The following MAN1B1 variants were observed in gnomAD, a reference collection of about 807,000 sequenced individuals.
MAN1B1 encodes mannosidase alpha class 1B member 1, also known as endoplasmic reticulum mannosyl-oligosaccharide 1,2-alpha-mannosidase.
In MAN1B1, 66 loss-of-function variants were observed where a neutral mutation model predicts 75.5. The observed-to-expected ratio is 0.87, with a 90% CI of 0.72 to 1.07. MAN1B1 has a LOEUF of 1.07. Ranked by LOEUF, MAN1B1 falls within the 50% of genes least tolerant of loss-of-function variation. The pLI is 0.00. For synonymous variants in MAN1B1, 453 were observed against 382.8 expected, an observed-to-expected ratio of 1.18 and a Z score of -2.14; for missense variants, 973 against 912.5, an observed-to-expected ratio of 1.07 and a Z score of -0.85.
intron 9 of MAN1B1, 91 bp downstream of exon 9, chr9:137,106,406 T>C (rs1588651474): frequency 1.7e-6 from 2 of 1,190,032 alleles, no homozygotes; most frequent in East Asian, 2.6e-5. Flanking sequence ...CGGCCCCCGC[T>C]CCTGCTGCCC....
At chr9:137,106,073 C>G in intron 8 of MAN1B1, 52 bp from the exon 9 acceptor site, 1 of 1,458,518 alleles carries the variant, frequency 6.9e-7, no homozygotes, top group Non-Finnish European at 9.6e-7. Flanking sequence ...CTACAGCTCA[C>G]CCTGCAGCTC....
intron 3 of MAN1B1, among the ~76,000 whole-genome samples, chr9:137,093,833 C>CA (rs1564277134): frequency 6.6e-6 from 1 of 150,594 alleles, no homozygotes. Context: ...GACTCTGTCT[C>CA]AAAAAAAAGA....
chr9:137,100,669 G>A (rs1311167347), intron 6 of MAN1B1, among the ~76,000 whole-genome samples: 1 of 152,082 alleles, frequency 6.6e-6, no homozygotes, highest in Non-Finnish European at 1.5e-5. Flanking sequence ...GCCCAGGCTG[G>A]AGTGCAGTGG....
intron 10 of MAN1B1, 84 bp from the exon 11 acceptor site, chr9:137,107,143 GGGTACCAGGGCCGAGGCAGCGCT>G (rs1200285282): frequency 7.9e-7 from 1 of 1,261,312 alleles, no homozygotes; most frequent in East Asian, 2.5e-5. Flanking sequence ...TCCCCTCCCA[GGGTACCAGGGCCGAGGCAGCGCT>G]GGGCTCCCAC....
chr9:137,105,544 A>G, intron 8 of MAN1B1: 1 of 275,510 alleles, frequency 3.6e-6, no homozygotes, highest in South Asian at 3.3e-5. Flanking sequence ...TTGGGTAGAG[A>G]CCCGGAGCGC....
intron 5 of MAN1B1, among the ~76,000 whole-genome samples, chr9:137,098,519 T>G (rs1205345359): frequency 6.6e-6 from 1 of 151,850 alleles, no homozygotes; most frequent in Non-Finnish European, 1.5e-5. Flanking sequence ...CAGGTGTCTC[T>G]GAGGTGGGGA....
In MAN1B1 at chr9:137,107,643, G is replaced by T; in HGVS notation, c.1877G>T (p.Ser626Ile). 6.2e-7 allele frequency: 1 copy of T among 1,609,848 alleles called. No individual in the cohort carries two copies. ...GACTGGGGCTGGGAGATTCTGCAGA[G>T]CTTCAGCCGATTCACACGGGTGAGC... The part of the protein sequence containing the change: ...YQDWGWEILQ[S>I]FSRFTRVPSG... Residue 626 changes from serine (S) to isoleucine (I), a missense_variant, in exon 12 of 13, where the codon AGC (serine) becomes ATC (isoleucine). Physicochemically the swap from Ser to Ile is moderately radical, Grantham distance 142. Coordinates refer to ENST00000371589, the MANE Select transcript of MAN1B1 (RefSeq NM_016219.5).
chr9:137,094,432 C>T (rs972297710), intron 3 of MAN1B1: 6 of 493,342 alleles, frequency 1.2e-5, no homozygotes, highest in Middle Eastern at 7.0e-4. Flanking sequence ...ATTGCATGAC[C>T]TGGTGGAGAA....
chr9:137,105,431 C>A (rs1291615197), intron 8 of MAN1B1: 1 of 185,484 alleles, frequency 5.4e-6, no homozygotes, highest in Admixed American at 6.1e-5. Flanking sequence ...GGCCCCAGGC[C>A]CCCATGGGCA....
Position 137,097,875 on chromosome 9 carries a change from C to T in MAN1B1, c.668C>T (p.Ser223Leu). ...CCTGAGCAGGGCACCGAGCTCCCTT[C>T]AAGAAGAGCAGAAGTGCCCACCAAG... ...IEPEQGTELP[S>L]RRAEVPTKPP... Residue 223 changes from serine to leucine, a missense_variant, in exon 5 of 13, where the codon TCA becomes TTA. Coordinates refer to ENST00000371589, the MANE Select transcript of MAN1B1 (RefSeq NM_016219.5). The T allele has an allele frequency of 1.3e-6, 2 of 1,560,340 alleles. No individual in the cohort carries two copies.
At chr9:137,094,208 T>G (rs972046773) in intron 3 of MAN1B1, 1 of 159,676 alleles carries the variant, frequency 6.3e-6, no homozygotes, top group Non-Finnish European at 1.4e-5. Flanking sequence ...AGAGGTGGGG[T>G]CTCACTTTGT....
intron 5 of MAN1B1, among the ~76,000 whole-genome samples, chr9:137,098,978 C>T (rs779090555): frequency 1.2e-4 from 19 of 152,292 alleles, no homozygotes; most frequent in Admixed American, 3.9e-4. Context: ...TATAGGCACC[C>T]GCCACCACAC....
chr9:137,096,514 A>C, intron 4 of MAN1B1, 123 bp downstream of exon 4: 3 of 1,303,404 alleles, frequency 2.3e-6, no homozygotes, highest in Non-Finnish European at 3.2e-6. Flanking sequence ...TATGCTCTGT[A>C]ATCTGTCCTC....
chr9:137,094,026 T>C (rs1333541063), intron 3 of MAN1B1, among the ~76,000 whole-genome samples: 2 of 151,200 alleles, frequency 1.3e-5, no homozygotes. Flanking sequence ...TGATTTTTTT[T>C]TTTTTTGAGA....
intron 3 of MAN1B1, among the ~76,000 whole-genome samples, chr9:137,092,395 G>GCTA (rs1830539800): frequency 6.6e-6 from 1 of 152,156 alleles, no homozygotes; most frequent in Non-Finnish European, 1.5e-5. Flanking sequence ...CATCATTGAG[G>GCTA]GTTAGGGGCT....
At chr9:137,087,321 AG>A in intron 1 of MAN1B1, 103 bp downstream of exon 1, 1 of 1,309,040 alleles carries the variant, frequency 7.6e-7, no homozygotes, top group Non-Finnish European at 1.0e-6. Context: ...TCGACTCCCC[AG>A]GCGCCGCCCT....
chr9:137,087,127 C>T lies in MAN1B1; in HGVS notation c.128C>T (p.Pro43Leu), dbSNP rs1240851483. 2.5e-6 allele frequency: 4 copies of T among 1,592,922 alleles called. No individual in the cohort carries two copies. Among genetic ancestry groups the T allele is most frequent in the Non-Finnish European group, 3.4e-6 (4 of 1,171,184 alleles). The part of the protein sequence containing the change: ...TTVVMYPPPP[P>L]PPHRDFISVT... ...GTAGTCATGTACCCACCGCCGCCGC[C>T]GCCGCCTCATCGGGACTTCATCTCG... Residue 43 changes from proline to leucine, a missense_variant, in exon 1 of 13, where the codon CCG (proline) becomes CTG (leucine). Transcript: ENST00000371589.
rs765224059 is a variant in MAN1B1, at chr9:137,097,900, G to A, written c.693G>A (p.Lys231=). ...CAAGAAGAGCAGAAGTGCCCACCAA[G>A]CCTCCCCTGCCACCGGCCAGGACAC... The part of the protein sequence containing the change: ...LPSRRAEVPT[K]PPLPPARTQG... The change falls in exon 5 of 13, where the codon AAG becomes AAA. Residue 231 remains lysine (K), a synonymous_variant. Transcript: ENST00000371589. The A allele has an allele frequency of 2.7e-5, 42 of 1,560,100 alleles. No individual in the cohort carries two copies. Among genetic ancestry groups the A allele is most frequent in the Non-Finnish European group, 3.6e-5 (41 of 1,152,638 alleles).
rs748185022 is a variant in MAN1B1, at chr9:137,099,743, G to T, written c.778G>T (p.Ala260Ser). 1 of 1,614,242 alleles carries T rather than the reference G, an allele frequency of 6.2e-7. No homozygotes were observed. The highest frequency in any genetic ancestry group is 1.1e-5 in the South Asian group (1 of 91,086). ...GGGCGTGATTGACGTCTTCCTGCAT[G>T]CATGGAAAGGATACCGCAAGTTTGC... is the stretch of plus-strand genomic sequence containing the variant. The part of the protein sequence containing the change: ...QKGVIDVFLH[A>S]WKGYRKFAWG... The change falls in exon 6 of 13, where the codon GCA (alanine) becomes TCA (serine). Residue 260 changes from alanine to serine, a missense_variant. Coordinates refer to ENST00000371589, the MANE Select transcript of MAN1B1 (RefSeq NM_016219.5).
Sources: allele counts gnomAD v4.1 joint callset (sites outside exome capture counted in the v4.1 genomes callset), GRCh38; gene constraint gnomAD v4.1.1; transcripts MANE v1.5; gene names NCBI Gene and HGNC (gene_info 2026-07-23, HGNC 2026-07-21).